The following CD38 variants were observed in gnomAD, a reference collection of about 807,000 sequenced individuals.
CD38 encodes ADP-ribosyl cyclase/cyclic ADP-ribose hydrolase 1.
Under a neutral mutation model 36.3 loss-of-function variants are expected in CD38, and 31 were observed. That is an observed-to-expected ratio of 0.85 (90% CI 0.64 to 1.15). The LOEUF (loss-of-function observed/expected upper bound fraction) is 1.15, where lower values mean the gene tolerates loss of function less well. Among genes scored for constraint, CD38 ranks in the 50% most tolerant of loss-of-function variants. The probability of loss-of-function intolerance (pLI) is 0.00; values close to 1 mark genes in which losing one functional copy is unlikely to be tolerated. For missense variants in CD38, 380 were observed against 371.9 expected (o/e 1.02, Z -0.18); for synonymous variants, 131 against 135.2 (o/e 0.97, Z 0.22).
intron 1 of CD38, among the ~76,000 whole-genome samples, chr4:15,780,142 T>C (rs909734796): frequency 2.0e-5 from 3 of 152,230 alleles, no homozygotes; most frequent in Admixed American, 6.5e-5. Context: ...TTCTGTAGGA[T>C]AGATTTCTAG....
chr4:15,786,983 A>G (rs776268682), intron 1 of CD38, among the ~76,000 whole-genome samples: 2 of 152,238 alleles, frequency 1.3e-5, no homozygotes, highest in Non-Finnish European at 2.9e-5. Context: ...CCTGGGTGCT[A>G]AGCCCTTCAC....
At chr4:15,847,736 A>T (rs1724294771) in intron 7 of CD38, among the ~76,000 whole-genome samples, 1 of 152,044 alleles carries the variant, frequency 6.6e-6, no homozygotes. Flanking sequence ...TCTTATCCCC[A>T]ATACTCTTTT....
intron 1 of CD38, among the ~76,000 whole-genome samples, chr4:15,791,002 AG>A (rs1722967495): frequency 6.9e-6 from 1 of 144,394 alleles, no homozygotes; most frequent in Non-Finnish European, 1.5e-5. Flanking sequence ...CTGGGAAGTG[AG>A]GAGCGTCTCC....
intron 3 of CD38, among the ~76,000 whole-genome samples, chr4:15,830,214 G>T (rs1391927988): frequency 6.6e-6 from 1 of 152,142 alleles, no homozygotes; most frequent in Non-Finnish European, 1.5e-5. Context: ...CACCAACAGT[G>T]TACAAGGGTT....
chr4:15,824,785 A>G, intron 2 of CD38, 96 bp from the exon 3 acceptor site: 2 of 938,722 alleles, frequency 2.1e-6, no homozygotes. Flanking sequence ...TTACTTTGAT[A>G]TGCTCTGTTT....
chr4:15,822,762 G>A (rs1045737267), intron 2 of CD38, among the ~76,000 whole-genome samples: 5 of 152,096 alleles, frequency 3.3e-5, no homozygotes, highest in African/African-American at 1.2e-4. Flanking sequence ...TACTGCCCAA[G>A]GTAATTTATA....
chr4:15,792,458 G>GA (rs1249314137), intron 1 of CD38, among the ~76,000 whole-genome samples: 1,547 of 129,126 alleles, frequency 0.012, 40 homozygotes, highest in African/African-American at 0.044. Flanking sequence ...AATGAATCAA[G>GA]AAAAAAAAAG....
rs1206977574 is a variant in CD38, at chr4:15,778,802, G to A, written c.233+155G>A. Among the ~76,000 whole-genome samples, 2 of 152,102 alleles carry A rather than the reference G, an allele frequency of 1.3e-5. No individual in the cohort carries two copies. Among genetic ancestry groups the A allele is most frequent in the African/African-American group, 4.8e-5 (2 of 41,436 alleles). On this transcript the variant is annotated intron_variant, in intron 1 of 7. Coordinates refer to ENST00000226279, the MANE Select transcript of CD38 (RefSeq NM_001775.4). The surrounding 1 kb of genome is among the most constrained non-coding windows in gnomAD (Gnocchi z 4.9). ...TGCTGAGTAGGGAGTCCCGGGCTCGGGGCTCCGCGGGCCGCTTTCAGGAGC... is the reference window on the plus strand; with the variant it reads ...TGCTGAGTAGGGAGTCCCGGGCTCGAGGCTCCGCGGGCCGCTTTCAGGAGC...
chr4:15,825,039 ATTGCCC>A, intron 3 of CD38, 23 bp downstream of exon 3: 1 of 1,589,192 alleles, frequency 6.3e-7, no homozygotes, highest in Non-Finnish European at 8.6e-7. Context: ...GCCCTGTGGG[ATTGCCC>A]AGGGATGTGG....
intron 1 of CD38, among the ~76,000 whole-genome samples, chr4:15,809,792 T>C (rs776428173): frequency 6.6e-6 from 1 of 152,254 alleles, no homozygotes; most frequent in East Asian, 1.9e-4. Context: ...TTGAAAAAAA[T>C]ATTATTGAAC....
At chr4:15,789,385 T>A (rs945419276) in intron 1 of CD38, among the ~76,000 whole-genome samples, 22 of 152,212 alleles carry the variant, frequency 1.4e-4, no homozygotes. Context: ...TACTCATTTA[T>A]GAAGGAATCA....
chr4:15,816,687 A>G (rs777586949), intron 2 of CD38, 47 bp downstream of exon 2: 11 of 1,602,382 alleles, frequency 6.9e-6, no homozygotes, highest in African/African-American at 1.3e-5. Flanking sequence ...ATAAAAGCCA[A>G]TGGTAACAAT....
Position 15,848,547 on chromosome 4 carries a change from A to G in CD38, c.848A>G (p.Lys283Arg), listed in dbSNP as rs763368613. The part of the protein sequence containing the change: ...FSCKNIYRPD[K>R]FLQCVKNPED... Reference sequence around the variant, plus strand: ...TTGCTTTCTTGTCATAGACCTGACAAGTTTCTTCAGTGTGTGAAAAATCCT... The same window carrying G: ...TTGCTTTCTTGTCATAGACCTGACAGGTTTCTTCAGTGTGTGAAAAATCCT... Residue 283 changes from lysine (K) to arginine (R), a missense_variant, in exon 8 of 8, where the codon AAG becomes AGG. Lys to Arg is a conservative substitution (Grantham distance 26). Coordinates refer to ENST00000226279, the MANE Select transcript of CD38 (RefSeq NM_001775.4). The G allele has an allele frequency of 1.9e-6, 3 of 1,613,264 alleles. No individual in the cohort carries two copies. Among genetic ancestry groups the G allele is most frequent in the Middle Eastern group, 1.6e-4 (1 of 6,062 alleles).
At chr4:15,792,231 C>G (rs1251087111) in intron 1 of CD38, among the ~76,000 whole-genome samples, 2 of 106,134 alleles carry the variant, frequency 1.9e-5, no homozygotes, top group Non-Finnish European at 3.6e-5. Flanking sequence ...AGGCAGCATG[C>G]TCGTTAAGAG....
intron 1 of CD38, among the ~76,000 whole-genome samples, chr4:15,813,820 T>G (rs1027070125): frequency 6.6e-6 from 1 of 152,256 alleles, no homozygotes; most frequent in Non-Finnish European, 1.5e-5. Flanking sequence ...GGTGTATATG[T>G]GCCACATTTT....
intron 2 of CD38, among the ~76,000 whole-genome samples, chr4:15,818,373 C>G (rs1044322025): frequency 1.5e-4 from 23 of 152,196 alleles, no homozygotes; most frequent in African/African-American, 5.1e-4. Context: ...CTCCCTGGGA[C>G]AGAGCACCTG....
chr4:15,825,141 T>G, intron 3 of CD38, 125 bp downstream of exon 3: 1 of 819,612 alleles, frequency 1.2e-6, no homozygotes, highest in Non-Finnish European at 1.9e-6. Flanking sequence ...ATGCCATCTA[T>G]ACTTATATTA....
At chr4:15,780,938 G>A (rs1230129708) in intron 1 of CD38, among the ~76,000 whole-genome samples, 1 of 151,986 alleles carries the variant, frequency 6.6e-6, no homozygotes, top group African/African-American at 2.4e-5. Context: ...CTGAAACTCC[G>A]TCTCTACTAA....
intron 1 of CD38, among the ~76,000 whole-genome samples, chr4:15,786,354 G>C (rs1456171107): frequency 1.3e-5 from 2 of 152,078 alleles, no homozygotes; most frequent in East Asian, 3.9e-4. Flanking sequence ...GTGCTGATTG[G>C]TGCATTTACA....
Sources: allele counts gnomAD v4.1 joint callset (sites outside exome capture counted in the v4.1 genomes callset), GRCh38; gene constraint gnomAD v4.1.1; non-coding constraint Gnocchi (gnomAD v3.1); transcripts MANE v1.5; gene names NCBI Gene and HGNC (gene_info 2026-07-23, HGNC 2026-07-21).